The following CCDC138 variants were observed in gnomAD, a reference collection of about 807,000 sequenced individuals.
CCDC138 encodes coiled-coil domain-containing protein 138.
In CCDC138, 66 loss-of-function variants were observed where a neutral mutation model predicts 82.3. The ratio of observed to expected loss-of-function variants is 0.80; its 90% confidence interval spans 0.66 to 0.98. The LOEUF (loss-of-function observed/expected upper bound fraction) is 0.98, where lower values mean the gene tolerates loss of function less well. Ranked by LOEUF, CCDC138 falls within the 50% of genes least tolerant of loss-of-function variation. CCDC138 has a pLI of 0.00. For missense variants in CCDC138, 816 were observed against 758.9 expected, an observed-to-expected ratio of 1.08 and a Z score of -0.88; for synonymous variants, 297 against 265.4, an observed-to-expected ratio of 1.12 and a Z score of -1.16.
chr2:108,854,738 C>CCT (rs1317121640), intron 12 of CCDC138, among the ~76,000 whole-genome samples: 2 of 152,104 alleles, frequency 1.3e-5, no homozygotes, highest in Non-Finnish European at 2.9e-5. Context: ...TCTTTCTTGG[C>CCT]CTCTCTCCAG....
At chr2:108,882,896 G>A (rs1696330352) in intron 2 of CCDC138, 1 of 152,186 alleles carries the variant, frequency 6.6e-6, no homozygotes, top group South Asian at 2.1e-4. Context: ...GCGCAAGTAG[G>A]GTGGGGCTAA....
intron 3 of CCDC138, 123 bp from the exon 4 acceptor site, chr2:108,791,552 C>A: frequency 6.2e-6 from 7 of 1,134,742 alleles, no homozygotes; most frequent in Non-Finnish European, 9.2e-6. Context: ...TTACATTTTG[C>A]AGTTTAAAAA....
intron 10 of CCDC138, among the ~76,000 whole-genome samples, chr2:108,834,155 G>A (rs960741716): frequency 2.0e-5 from 3 of 150,654 alleles, no homozygotes; most frequent in Non-Finnish European, 4.4e-5. Context: ...AGAATCAATT[G>A]CATATTTTTA....
At chr2:108,790,233 A>G (rs890845463) in intron 3 of CCDC138, among the ~76,000 whole-genome samples, 1 of 152,214 alleles carries the variant, frequency 6.6e-6, no homozygotes, top group Non-Finnish European at 1.5e-5. Context: ...CGTTGAATGT[A>G]GGGTAAGGAA....
intron 12 of CCDC138, among the ~76,000 whole-genome samples, chr2:108,852,349 C>T (rs1026887104): frequency 6.6e-6 from 1 of 152,142 alleles, no homozygotes; most frequent in African/African-American, 2.4e-5. Context: ...TGTGGCATTT[C>T]CTCAAAGACC....
chr2:108,791,465 T>C, intron 3 of CCDC138: 1 of 562,070 alleles, frequency 1.8e-6, no homozygotes, highest in Non-Finnish European at 3.3e-6. Context: ...GTCTATTTAA[T>C]GTGTAGAAAA....
At chr2:108,803,042 A>C (rs1169433257) in intron 6 of CCDC138, among the ~76,000 whole-genome samples, 1 of 152,124 alleles carries the variant, frequency 6.6e-6, no homozygotes, top group Non-Finnish European at 1.5e-5. Context: ...GTGCCTCTTA[A>C]AGGTTGGTCT....
At chr2:108,839,145 A>C (rs775465012) in intron 10 of CCDC138, 40 bp from the exon 11 acceptor site, 1 of 1,554,002 alleles carries the variant, frequency 6.4e-7, no homozygotes, top group East Asian at 2.3e-5. Flanking sequence ...ATTTAAAAAT[A>C]CTGTGCCTTT....
intron 7 of CCDC138, among the ~76,000 whole-genome samples, chr2:108,811,995 A>G (rs944919726): frequency 6.6e-6 from 1 of 152,186 alleles, no homozygotes; most frequent in Non-Finnish European, 1.5e-5. Flanking sequence ...TGGTGTATAT[A>G]TATCACAAAT....
chr2:108,861,894 C>T (rs568695500), intron 13 of CCDC138, among the ~76,000 whole-genome samples: 4 of 152,196 alleles, frequency 2.6e-5, no homozygotes, highest in Non-Finnish European at 5.9e-5. Context: ...TATGTTATAT[C>T]TTGATTTTCA....
intron 10 of CCDC138, among the ~76,000 whole-genome samples, chr2:108,822,382 C>T (rs528815426): frequency 2.1e-4 from 32 of 152,034 alleles, no homozygotes; most frequent in Non-Finnish European, 3.7e-4. Flanking sequence ...CTTTCAGAAA[C>T]AGATAGAATA....
chr2:108,810,136 C>A (rs1271860342), intron 7 of CCDC138, among the ~76,000 whole-genome samples: 1 of 152,124 alleles, frequency 6.6e-6, no homozygotes, highest in Admixed American at 6.5e-5. Context: ...TCTTTTATTT[C>A]TTTTTCTTGC....
chr2:108,849,492 C>T (rs2150705730), intron 12 of CCDC138, among the ~76,000 whole-genome samples: 1 of 152,202 alleles, frequency 6.6e-6, no homozygotes, highest in South Asian at 2.1e-4. Context: ...CTCTCCATGA[C>T]CTTTTCAGTG....
Position 108,791,759 on chromosome 2 carries a change from T to C in CCDC138, c.351T>C (p.Ser117=). The C allele has an allele frequency of 6.2e-7, 1 of 1,601,804 alleles. No homozygotes were observed. The highest frequency in any genetic ancestry group is 8.5e-7 in the Non-Finnish European group (1 of 1,172,626). Residue 117 remains serine, a synonymous_variant, in exon 4 of 15, where the codon AGT becomes AGC. Transcript: ENST00000295124. Reference sequence around the variant, plus strand: ...TAATTGAAAATGATTATAGAGTTAGTACCTCGAAAATAACCAAGCAGTCTT... The same window carrying C: ...TAATTGAAAATGATTATAGAGTTAGCACCTCGAAAATAACCAAGCAGTCTT... ...EELIENDYRV[S]TSKITKQSFK... is the part of the protein sequence containing the mutation.
chr2:108,805,683 T>C (rs1414365307), intron 7 of CCDC138, among the ~76,000 whole-genome samples: 4 of 151,844 alleles, frequency 2.6e-5, no homozygotes, highest in South Asian at 4.2e-4. Flanking sequence ...GCCGAGATTG[T>C]GCCACTGCAC....
chr2:108,813,266 A>AAAAAAAG, intron 9 of CCDC138, among the ~76,000 whole-genome samples: 1 of 150,922 alleles, frequency 6.6e-6, no homozygotes. Flanking sequence ...AAAAAAAAAA[A>AAAAAAAG]AAAAAAGAAA....
chr2:108,798,534 A>G lies in CCDC138; in HGVS notation c.683A>G (p.Lys228Arg). ...LLFRHENALS[K>R]IKGVEEEVLT... ...TTCAGACATGAAAATGCCTTGAGTA[A>G]AATTAAAGGTGTTGAAGAAGAGGTT... is the stretch of plus-strand genomic sequence containing the variant. The change falls in exon 6 of 15, where the codon AAA becomes AGA. Residue 228 changes from lysine to arginine, a missense_variant. Physicochemically the swap from Lys to Arg is conservative, Grantham distance 26 (BLOSUM62 2). Coordinates refer to ENST00000295124, the MANE Select transcript of CCDC138 (RefSeq NM_144978.3). The G allele has an allele frequency of 2.5e-6, 4 of 1,613,896 alleles. No homozygotes were observed. Among genetic ancestry groups the G allele is most frequent in the Non-Finnish European group, 3.4e-6 (4 of 1,179,862 alleles).
intron 13 of CCDC138, among the ~76,000 whole-genome samples, chr2:108,864,935 T>C (rs1476083572): frequency 6.6e-6 from 1 of 152,152 alleles, no homozygotes; most frequent in East Asian, 1.9e-4. Context: ...CACACCAGCC[T>C]GGGCAAGAGT....
chr2:108,884,546 G>A (rs999949829), intron 2 of CCDC138: 2 of 152,176 alleles, frequency 1.3e-5, no homozygotes, highest in Non-Finnish European at 2.9e-5. Context: ...TCTTTGTTTT[G>A]TTTTTGCTTG....
Sources: gnomAD v4.1 joint callset for allele counts (sites outside exome capture counted in the v4.1 genomes callset) on GRCh38, gnomAD v4.1.1 for gene constraint, MANE v1.5 for transcripts, NCBI Gene and HGNC (gene_info 2026-07-23, HGNC 2026-07-21) for gene names.